Variants in MARCHF1 observed in about 807,000 individuals in gnomAD.
MARCHF1 encodes the protein E3 ubiquitin-protein ligase MARCHF1.
Under a neutral mutation model 54.2 loss-of-function variants are expected in MARCHF1, and 40 were observed. The observed-to-expected ratio is 0.74, with a 90% CI of 0.57 to 0.96. The LOEUF (loss-of-function observed/expected upper bound fraction) is 0.96. MARCHF1 is among the 40% of genes least tolerant of loss of function. The pLI is 0.00. For missense variants in MARCHF1, 586 were observed against 656.5 expected (o/e 0.89, Z 1.17); for synonymous variants, 236 against 236.3 (o/e 1.00, Z 0.01).
At chr4:163,618,891 G>T (rs1027437348) in intron 5 of MARCHF1, among the ~76,000 whole-genome samples, 1 of 152,012 alleles carries the variant, frequency 6.6e-6, no homozygotes, top group South Asian at 2.1e-4. Flanking sequence ...GATGAAGAAA[G>T]CACATCTAAC....
At chr4:164,364,780 GT>G (rs763966866) in intron 1 of MARCHF1, among the ~76,000 whole-genome samples, 3 of 150,428 alleles carry the variant, frequency 2.0e-5, no homozygotes, top group African/African-American at 7.3e-5. Context: ...CCCATTTGAG[GT>G]TTTTCTTTCA....
In MARCHF1 at chr4:163,612,578, C is replaced by T. The variant is rs1560973832; in HGVS notation, c.703G>A (p.Gly235Arg). 6.5e-6 allele frequency: 10 copies of T among 1,535,440 alleles called. No individual in the cohort carries two copies. Among genetic ancestry groups the T allele is most frequent in the South Asian group, 2.4e-5 (2 of 84,056 alleles). Residue 235 changes from glycine (G) to arginine (R), a missense_variant, in exon 7 of 10, where the codon GGA becomes AGA. This residue lies in a region of MARCHF1 where 387 missense variants were observed against 394.6 expected (regional missense o/e 0.98). Coordinates refer to ENST00000514618, the MANE Select transcript of MARCHF1 (RefSeq NM_001394959.1). ...CESCSLNLHR[G>R]KHTRYQECNP... ...CATTCTTGGTACCTTGTATGTTTTC[C>T]TCTGTGGAGATTTAAAGAGCAACTC...
chr4:163,961,803 T>C (rs1444866991), intron 3 of MARCHF1, among the ~76,000 whole-genome samples: 2 of 151,944 alleles, frequency 1.3e-5, no homozygotes, highest in Non-Finnish European at 2.9e-5. Flanking sequence ...AAGGCACTGA[T>C]GCTCTGAGGA....
chr4:164,280,480 A>C (rs1458047602), intron 1 of MARCHF1, among the ~76,000 whole-genome samples: 1 of 152,068 alleles, frequency 6.6e-6, no homozygotes, highest in East Asian at 1.9e-4. Context: ...TTATTCAAGA[A>C]AAGGTGTTGA....
intron 4 of MARCHF1, among the ~76,000 whole-genome samples, chr4:163,706,399 C>A (rs1187796556): frequency 6.6e-6 from 1 of 151,960 alleles, no homozygotes; most frequent in Admixed American, 6.6e-5. Context: ...TCTTGTGAGC[C>A]ATTACATTTT....
At chr4:163,987,761 G>A (rs1752898256) in intron 3 of MARCHF1, among the ~76,000 whole-genome samples, 1 of 152,202 alleles carries the variant, frequency 6.6e-6, no homozygotes, top group Non-Finnish European at 1.5e-5. Context: ...CCTTGACTGT[G>A]TTGAGTTCAA....
chr4:163,665,400 T>C (rs1013452849), intron 5 of MARCHF1, among the ~76,000 whole-genome samples: 11 of 152,142 alleles, frequency 7.2e-5, no homozygotes, highest in Non-Finnish European at 2.9e-5. Flanking sequence ...GATGTTCTTA[T>C]GGCAGGATGA....
chr4:164,092,731 G>T (rs1755330935), intron 2 of MARCHF1, among the ~76,000 whole-genome samples: 1 of 152,076 alleles, frequency 6.6e-6, no homozygotes, highest in Non-Finnish European at 1.5e-5. Flanking sequence ...TATTGAAACT[G>T]CCACCAGTCC....
chr4:164,019,433 GT>G (rs1438304062), intron 2 of MARCHF1, among the ~76,000 whole-genome samples: 1 of 152,098 alleles, frequency 6.6e-6, no homozygotes, highest in African/African-American at 2.4e-5. Flanking sequence ...ACAATAACTG[GT>G]ATCATGAGTG....
chr4:163,936,545 G>A (rs1751799306), intron 3 of MARCHF1, among the ~76,000 whole-genome samples: 2 of 152,196 alleles, frequency 1.3e-5, no homozygotes, highest in South Asian at 4.1e-4. Context: ...AGATCTCTGA[G>A]GATGGTGTGA....
intron 4 of MARCHF1, among the ~76,000 whole-genome samples, chr4:163,797,677 T>A (rs1579294492): frequency 1.3e-5 from 2 of 152,134 alleles, no homozygotes; most frequent in Non-Finnish European, 2.9e-5. Context: ...TTGTCTATTT[T>A]AAAATTTCAT....
intron 1 of MARCHF1, among the ~76,000 whole-genome samples, chr4:164,349,083 G>A (rs559655306): frequency 2.0e-4 from 30 of 152,102 alleles, no homozygotes; most frequent in South Asian, 4.1e-4. Flanking sequence ...GTCGGGTAAC[G>A]GTGGAGGAGG....
intron 5 of MARCHF1, among the ~76,000 whole-genome samples, chr4:163,631,109 T>G (rs969080452): frequency 6.6e-6 from 1 of 152,196 alleles, no homozygotes; most frequent in African/African-American, 2.4e-5. Flanking sequence ...AAAGCTGGAC[T>G]TTCTGAGACA....
intron 2 of MARCHF1, among the ~76,000 whole-genome samples, chr4:164,032,637 G>A (rs1346988716): frequency 6.6e-6 from 1 of 152,098 alleles, no homozygotes; most frequent in Admixed American, 6.6e-5. Context: ...ACATAGTTGT[G>A]TGGTTTTGAG....
In MARCHF1 at chr4:163,527,573, T is replaced by G. The variant is rs898967321; in HGVS notation, c.*1175A>C. ...ATTTTTACCCTTTAGAGATGTGAAC[T>G]TCATCTGACTTTAAAATGAGGACAC... On this transcript the variant is annotated 3_prime_UTR_variant, in exon 10 of 10. Transcript: ENST00000514618. 3.3e-5 allele frequency: 5 copies of G among 152,098 alleles called. No individual in the cohort carries two copies. The highest frequency in any genetic ancestry group is 1.2e-4 in the African/African-American group (5 of 41,446). 9.4% of individuals were successfully genotyped at this position (152,098 alleles called of 1,614,324 possible).
At chr4:163,722,676 G>T (rs575558978) in intron 4 of MARCHF1, among the ~76,000 whole-genome samples, 1 of 152,176 alleles carries the variant, frequency 6.6e-6, no homozygotes, top group African/African-American at 2.4e-5. Context: ...TCTCTTTGTA[G>T]ATCTCTAAGG....
intron 5 of MARCHF1, among the ~76,000 whole-genome samples, chr4:163,636,962 C>G (rs142391719): frequency 0.026 from 3,949 of 152,250 alleles, 71 homozygotes; most frequent in Non-Finnish European, 0.04. Flanking sequence ...ACTATCTGAT[C>G]TTTGACAAAC....
chr4:163,835,838 CAG>C (rs1749165487), intron 4 of MARCHF1, among the ~76,000 whole-genome samples: 4 of 151,362 alleles, frequency 2.6e-5, no homozygotes, highest in Admixed American at 1.3e-4. Context: ...CCAGTTTATG[CAG>C]AGAGTTAACG....
chr4:164,142,230 C>A (rs1756560020), intron 1 of MARCHF1, among the ~76,000 whole-genome samples: 1 of 152,212 alleles, frequency 6.6e-6, no homozygotes, highest in African/African-American at 2.4e-5. Context: ...TGCAAGGCCG[C>A]AGCCAGGCTT....
Sources: gnomAD v4.1 joint callset for allele counts (sites outside exome capture counted in the v4.1 genomes callset) on GRCh38, gnomAD v4.1.1 for gene constraint, gnomAD v4.1.1 regional missense constraint, MANE v1.5 for transcripts, NCBI Gene and HGNC (gene_info 2026-07-23, HGNC 2026-07-21) for gene names.